The following EBF2 variants were observed in gnomAD, a reference collection of about 807,000 sequenced individuals.
EBF2 encodes transcription factor COE2.
Under a neutral mutation model 72.8 loss-of-function variants are expected in EBF2, and 21 were observed. The observed-to-expected ratio is 0.29, with a 90% CI of 0.20 to 0.42. The LOEUF (loss-of-function observed/expected upper bound fraction) is 0.42. Among genes scored for constraint, EBF2 ranks in the 10% least tolerant of loss-of-function variants. The probability of loss-of-function intolerance (pLI) is 1.00; values close to 1 mark genes in which losing one functional copy is unlikely to be tolerated. For synonymous variants in EBF2, 299 were observed against 274.2 expected (o/e 1.09, Z -0.89); for missense variants, 637 against 731.2 (o/e 0.87, Z 1.49).
intron 6 of EBF2, among the ~76,000 whole-genome samples, chr8:26,020,110 C>T (rs1805181839): frequency 6.6e-6 from 1 of 152,220 alleles, no homozygotes; most frequent in South Asian, 2.1e-4. Flanking sequence ...GCTTTCCTCA[C>T]TGTCTAGTTA....
intron 6 of EBF2, among the ~76,000 whole-genome samples, chr8:26,000,625 T>C (rs1563203986): frequency 6.6e-6 from 1 of 152,198 alleles, no homozygotes; most frequent in African/African-American, 2.4e-5. Context: ...TCGCAAGTCC[T>C]GAATGTCACA....
chr8:25,881,400 C>T (rs530821368), intron 10 of EBF2, among the ~76,000 whole-genome samples: 2 of 152,332 alleles, frequency 1.3e-5, no homozygotes, highest in South Asian at 4.1e-4. Context: ...TAAATCCTCC[C>T]CATCAACTCA....
At chr8:25,935,132 C>T (rs1476325239) in intron 6 of EBF2, among the ~76,000 whole-genome samples, 9 of 151,934 alleles carry the variant, frequency 5.9e-5, no homozygotes, top group Non-Finnish European at 8.8e-5. Flanking sequence ...TACCCAAGGC[C>T]CCCCATCCTT....
rs542559463 is a variant in EBF2, at chr8:26,033,571, AAC to A, written c.483-420_483-419del. ...TCGTGAATCTGTCTTGGAGGGAAAC[AAC>A]ACACACTGGGGCCTGTCCGAGGGGT... On this transcript the variant is annotated intron_variant, in intron 5 of 15. Coordinates refer to ENST00000520164, the MANE Select transcript of EBF2 (RefSeq NM_022659.4). 3.7e-3 allele frequency among the ~76,000 whole-genome samples: 564 copies of A among 152,246 alleles called. 3 individuals are homozygous for A. Among genetic ancestry groups the A allele is most frequent in the African/African-American group, 0.013 (548 of 41,532 alleles).
At chr8:25,891,805 T>C (rs1207401277) in intron 7 of EBF2, among the ~76,000 whole-genome samples, 1 of 152,196 alleles carries the variant, frequency 6.6e-6, no homozygotes, top group African/African-American at 2.4e-5. Flanking sequence ...CTTGAACTCC[T>C]GACCTCAAGT....
intron 6 of EBF2, among the ~76,000 whole-genome samples, chr8:26,025,632 C>T (rs1384556226): frequency 2.0e-5 from 3 of 152,082 alleles, no homozygotes; most frequent in African/African-American, 7.2e-5. Flanking sequence ...AATTTTGTTT[C>T]TTTTTTACCA....
rs560744801 is a variant in EBF2 at position 25,863,347 on chromosome 8, C to T, written c.1010-550G>A. On this transcript the variant is annotated intron_variant, in intron 10 of 15. Coordinates refer to ENST00000520164, the MANE Select transcript of EBF2 (RefSeq NM_022659.4). ...CCACGTCTGGTAACTATCAGCCCCCCACCCCACGAATACTACAAATTTTAT... is the reference window on the plus strand; with the variant it reads ...CCACGTCTGGTAACTATCAGCCCCCTACCCCACGAATACTACAAATTTTAT... Among the ~76,000 whole-genome samples, 13 of 152,154 alleles carry T rather than the reference C, an allele frequency of 8.5e-5. No individual in the cohort carries two copies. In the East Asian group the frequency reaches 2.5e-3, roughly 29 times the overall value.
chr8:25,993,541 T>C (rs1804577391), intron 6 of EBF2, among the ~76,000 whole-genome samples: 1 of 152,220 alleles, frequency 6.6e-6, no homozygotes, highest in Admixed American at 6.5e-5. Context: ...CCTTTTTATG[T>C]CTTTGTAAGA....
At chr8:25,921,536 T>C (rs1803305838) in intron 6 of EBF2, among the ~76,000 whole-genome samples, 1 of 152,214 alleles carries the variant, frequency 6.6e-6, no homozygotes, top group Admixed American at 6.5e-5. Flanking sequence ...TTTGTTCTTT[T>C]TGTCATTCAA....
At chr8:25,973,499 C>T (rs1366854580) in intron 6 of EBF2, among the ~76,000 whole-genome samples, 1 of 152,086 alleles carries the variant, frequency 6.6e-6, no homozygotes, top group Non-Finnish European at 1.5e-5. Flanking sequence ...GGTGATATTT[C>T]CAAAGGTGTG....
At chr8:25,874,683 A>ATTAT (rs959945158) in intron 10 of EBF2, among the ~76,000 whole-genome samples, 11 of 151,512 alleles carry the variant, frequency 7.3e-5, no homozygotes, top group Non-Finnish European at 5.9e-5. Flanking sequence ...CTTTTAAAAA[A>ATTAT]TTATTTATTT....
At chr8:26,039,969 A>G in intron 5 of EBF2, 59 bp downstream of exon 5, 1 of 1,583,488 alleles carries the variant, frequency 6.3e-7, no homozygotes. Context: ...CGGCGCGCCA[A>G]GGCGGGGCTG....
intron 6 of EBF2, among the ~76,000 whole-genome samples, chr8:25,957,210 A>C (rs1803964287): frequency 6.6e-6 from 1 of 152,210 alleles, no homozygotes; most frequent in Non-Finnish European, 1.5e-5. Context: ...CCCAAGAGCA[A>C]ATCTTTCTTT....
At chr8:25,869,789 G>A (rs1358981640) in intron 10 of EBF2, among the ~76,000 whole-genome samples, 1 of 152,104 alleles carries the variant, frequency 6.6e-6, no homozygotes, top group African/African-American at 2.4e-5. Flanking sequence ...CCATTAGGAC[G>A]TACTGAAGCC....
intron 10 of EBF2, among the ~76,000 whole-genome samples, chr8:25,883,205 G>A (rs1430242749): frequency 1.3e-5 from 2 of 152,110 alleles, no homozygotes; most frequent in Non-Finnish European, 2.9e-5. Context: ...CCTTTTGCTA[G>A]GTACTGTGTT....
At chr8:25,900,464 A>AC (rs1363027627) in intron 7 of EBF2, among the ~76,000 whole-genome samples, 1 of 151,664 alleles carries the variant, frequency 6.6e-6, no homozygotes, top group African/African-American at 2.4e-5. Context: ...GTCTGTAAAA[A>AC]AAGAAAGAAA....
chr8:26,043,060 C>G (rs1209871515), intron 1 of EBF2, among the ~76,000 whole-genome samples: 1 of 152,238 alleles, frequency 6.6e-6, no homozygotes, highest in African/African-American at 2.4e-5. Context: ...GATCCCCACT[C>G]ATGCTGCGTT....
intron 6 of EBF2, among the ~76,000 whole-genome samples, chr8:26,009,130 AC>A (rs1330623876): frequency 1.6e-3 from 6 of 3,714 alleles, no homozygotes; most frequent in East Asian, 0.01. Context: ...AAAAAAAAAA[AC>A]CACCATGGGA....
intron 5 of EBF2, among the ~76,000 whole-genome samples, chr8:26,033,694 C>T (rs1179529007): frequency 1.3e-5 from 2 of 152,098 alleles, no homozygotes; most frequent in African/African-American, 4.8e-5. Context: ...CACCGTGGCA[C>T]ATGTTTACCT....
Sources: allele counts gnomAD v4.1 joint callset (sites outside exome capture counted in the v4.1 genomes callset), GRCh38; gene constraint gnomAD v4.1.1; transcripts MANE v1.5; gene names NCBI Gene and HGNC (gene_info 2026-07-23, HGNC 2026-07-21).